Variants in XPNPEP2 observed in about 807,000 individuals in gnomAD.
XPNPEP2 encodes the protein X-prolyl aminopeptidase 2, also known as xaa-Pro aminopeptidase 2.
In XPNPEP2, 64 loss-of-function variants were observed where a neutral mutation model predicts 59.8. The observed-to-expected ratio is 1.07, with a 90% confidence interval of 0.87 to 1.32. XPNPEP2 has a LOEUF of 1.32. Among genes scored for constraint, XPNPEP2 ranks in the 40% most tolerant of loss-of-function variants. The pLI is 0.00. For synonymous variants in XPNPEP2, 235 were observed against 210.0 expected (o/e 1.12, Z -1.03); for missense variants, 575 against 546.8 (o/e 1.05, Z -0.51).
At chrX:129,742,788 G>A (rs190510267) in intron 2 of XPNPEP2, among the ~76,000 whole-genome samples, 22 of 111,766 alleles carry the variant, frequency 2.0e-4, no homozygotes, top group East Asian at 5.6e-4. Context: ...TGTAATCCCC[G>A]CTACTCAGGA....
chrX:129,753,671 G>A (rs998695567), intron 11 of XPNPEP2, among the ~76,000 whole-genome samples: 16 of 111,157 alleles, frequency 1.4e-4, no homozygotes, highest in African/African-American at 4.6e-4. Flanking sequence ...AAATAAAGAA[G>A]CAGACACCAA....
At chrX:129,758,012 C>G (rs994733718) in intron 14 of XPNPEP2, among the ~76,000 whole-genome samples, 2 of 111,118 alleles carry the variant, frequency 1.8e-5, no homozygotes, top group African/African-American at 6.6e-5. Flanking sequence ...ATCATTCACA[C>G]CAGAGTTGAG....
At position 129,739,146 on chromosome X, in the gene XPNPEP2, G is replaced by T; in HGVS notation, c.-68G>T. On this transcript the variant is annotated 5_prime_UTR_variant, in exon 1 of 21. Transcript: ENST00000371106. ...GCCCAGGAAAGGCCTGAAGGAAGAGGCCGGGGAAAGAGCCCTCCCTCTCTC... is the reference window on the plus strand; with the variant it reads ...GCCCAGGAAAGGCCTGAAGGAAGAGTCCGGGGAAAGAGCCCTCCCTCTCTC... The T allele has an allele frequency of 9.0e-7, 1 of 1,112,773 alleles. No homozygotes were observed. 91.7% of individuals were successfully genotyped at this position (1,112,773 alleles called of 1,213,427 possible).
intron 14 of XPNPEP2, among the ~76,000 whole-genome samples, chrX:129,757,370 A>G (rs1015804038): frequency 4.5e-5 from 5 of 110,238 alleles, no homozygotes; most frequent in African/African-American, 6.6e-5. Context: ...CGCACCACCA[A>G]CGTCATGCAG....
At chrX:129,764,165 T>C (rs1418575312) in intron 19 of XPNPEP2, among the ~76,000 whole-genome samples, 6 of 104,500 alleles carry the variant, frequency 5.7e-5, no homozygotes, top group Admixed American at 2.0e-4. Context: ...AAGAGATGTG[T>C]GACAAATATC....
intron 1 of XPNPEP2, among the ~76,000 whole-genome samples, chrX:129,740,353 G>A (rs5932668): frequency 0.17 from 18,760 of 112,178 alleles, 1,498 homozygotes; most frequent in East Asian, 0.44. Context: ...GTGGCTGGGC[G>A]TGGTGGCTCA....
chrX:129,744,203 A>G, intron 3 of XPNPEP2, 132 bp downstream of exon 3: 3 of 564,127 alleles, frequency 5.3e-6, no homozygotes, highest in Non-Finnish European at 8.5e-6. Context: ...AGTAGAGAGC[A>G]TGGACACGGT....
chrX:129,767,520 G>A, intron 19 of XPNPEP2, 83 bp from the exon 20 acceptor site: 2 of 972,111 alleles, frequency 2.1e-6, no homozygotes, highest in Non-Finnish European at 2.9e-6. Context: ...TCCTCCGGGT[G>A]GAGTGCTCCT....
intron 1 of XPNPEP2, among the ~76,000 whole-genome samples, chrX:129,741,206 G>T (rs1329559134): frequency 1.8e-5 from 2 of 109,207 alleles, no homozygotes; most frequent in Non-Finnish European, 3.8e-5. Flanking sequence ...CTCTAAATTG[G>T]GGGCAGAGCC....
At position 129,751,738 on chromosome X, in the gene XPNPEP2, T is replaced by C; in HGVS notation, c.740-7T>C. On this transcript the variant is annotated splice_polypyrimidine_tract_variant and splice_region_variant and intron_variant, in intron 8 of 20. Transcript: ENST00000371106. ...CATTAAATATTCCTTGTCAATTCTC[T>C]TCCCAGGGCTCTTCAACCTTCGAGC... The C allele has an allele frequency of 8.3e-7, 1 of 1,205,483 alleles. No homozygotes were observed. Among genetic ancestry groups the C allele is most frequent in the Non-Finnish European group, 1.1e-6 (1 of 890,341 alleles).
At position 129,739,118 on chromosome X, in the gene XPNPEP2, C is replaced by A; in HGVS notation, c.-96C>A. 5 of 945,498 alleles carry A rather than the reference C, an allele frequency of 5.3e-6. No individual in the cohort carries two copies. The South Asian group carries it at 8.8e-5, about 17-fold the overall frequency. 77.9% of individuals were successfully genotyped at this position (945,498 alleles called of 1,213,427 possible). ...CGCCAGCCCCCACCCTCTGTCTGCT[C>A]GAGCCCAGGAAAGGCCTGAAGGAAG... On this transcript the variant is annotated 5_prime_UTR_variant, in exon 1 of 21. Coordinates refer to ENST00000371106, the MANE Select transcript of XPNPEP2 (RefSeq NM_003399.6).
chrX:129,739,470 G>GA (rs753351194), intron 1 of XPNPEP2, among the ~76,000 whole-genome samples: 2 of 111,390 alleles, frequency 1.8e-5, no homozygotes, highest in South Asian at 7.5e-4. Flanking sequence ...CCCCGTTATA[G>GA]AAAAAAAATA....
chrX:129,761,085 A>T, intron 16 of XPNPEP2, 87 bp from the exon 17 acceptor site: 2 of 938,284 alleles, frequency 2.1e-6, no homozygotes, highest in Non-Finnish European at 3.0e-6. Flanking sequence ...CTTCTTAGGC[A>T]CCACTCTGAT....
At chrX:129,760,001 G>T (rs772449044) in intron 15 of XPNPEP2, among the ~76,000 whole-genome samples, 4 of 112,236 alleles carry the variant, frequency 3.6e-5, no homozygotes, top group Non-Finnish European at 5.6e-5. Flanking sequence ...AAACTCAGCA[G>T]CCGTCACAAC....
chrX:129,742,956 G>A (rs1020422791), intron 2 of XPNPEP2, among the ~76,000 whole-genome samples: 4 of 111,885 alleles, frequency 3.6e-5, no homozygotes, highest in Non-Finnish European at 7.5e-5. Flanking sequence ...AAGGGCAAGA[G>A]AGGGAGGCCT....
intron 2 of XPNPEP2, among the ~76,000 whole-genome samples, chrX:129,743,181 C>T (rs1926230616): frequency 8.9e-6 from 1 of 112,698 alleles, no homozygotes; most frequent in Admixed American, 9.3e-5. Context: ...AACCACATTA[C>T]TTTTATATTA....
chrX:129,751,575 AAAGAAAGAAAGAAAGAAAGAAAGGAAGG>A (rs1163526723), intron 8 of XPNPEP2, among the ~76,000 whole-genome samples, 142 bp from the exon 9 acceptor site: 73 of 76,896 alleles, frequency 9.5e-4, no homozygotes, highest in African/African-American at 3.6e-3. Context: ...AGAAAGAAAG[AAAGAAAGAAAGAAAGAAAGAAAGGAAGG>A]AAGGAAGGAA....
At chrX:129,758,393 T>A (rs1926595619) in intron 14 of XPNPEP2, among the ~76,000 whole-genome samples, 2 of 110,618 alleles carry the variant, frequency 1.8e-5, no homozygotes, top group Admixed American at 1.9e-4. Context: ...AAGAAGAAGG[T>A]CACCACACCC....
rs1204221555 is a variant in XPNPEP2 at position 129,759,321 on chromosome X, G to A, written c.1428+81G>A. On this transcript the variant is annotated intron_variant, in intron 15 of 20. Transcript: ENST00000371106. Reference sequence around the variant, plus strand: ...AGTCAAGATCCCTTCCATTTCAGAGGCTAAAACTGAAGCTCAGAGAGGTTA... The same window carrying A: ...AGTCAAGATCCCTTCCATTTCAGAGACTAAAACTGAAGCTCAGAGAGGTTA... The A allele has an allele frequency of 9.7e-6, 11 of 1,128,566 alleles. No individual in the cohort carries two copies. The Admixed American group carries it at 2.5e-4, about 25-fold the overall frequency. The allele number at this position is 1,128,566 out of a possible 1,213,427, so 93.0% of individuals were successfully genotyped here.
Sources: gnomAD v4.1 joint callset for allele counts (sites outside exome capture counted in the v4.1 genomes callset) on GRCh38, gnomAD v4.1.1 for gene constraint, MANE v1.5 for transcripts, NCBI Gene and HGNC (gene_info 2026-07-23, HGNC 2026-07-21) for gene names.